TOP3A: variants seen among roughly 807,000 people sequenced by gnomAD.
TOP3A encodes DNA topoisomerase III alpha.
In TOP3A, 64 loss-of-function variants were observed where a neutral mutation model predicts 111.3. The observed-to-expected ratio is 0.57, with a 90% confidence interval of 0.47 to 0.71. The LOEUF (loss-of-function observed/expected upper bound fraction) is 0.71. Ranked by LOEUF, TOP3A falls within the 30% of genes least tolerant of loss-of-function variation. TOP3A has a pLI of 0.00. For synonymous variants in TOP3A, 484 were observed against 485.1 expected (o/e 1.00, Z 0.03); for missense variants, 1,104 against 1,285.0 (o/e 0.86, Z 2.15).
At chr17:18,302,859 T>G in intron 5 of TOP3A, 136 bp from the exon 6 acceptor site, 1 of 987,620 alleles carries the variant, frequency 1.0e-6, no homozygotes, top group Non-Finnish European at 1.5e-6. Flanking sequence ...ATTTACCTAT[T>G]AGGTTAAATC....
chr17:18,302,922 G>A (rs1981329979), intron 5 of TOP3A, 199 bp from the exon 6 acceptor site: 3 of 557,980 alleles, frequency 5.4e-6, no homozygotes, highest in Admixed American at 3.5e-5. Flanking sequence ...TAAACTGAGT[G>A]TACTGTCAGA....
At chr17:18,311,524 CCTCAGGTGGT>C (rs1325525830) in intron 1 of TOP3A, among the ~76,000 whole-genome samples, 1 of 152,138 alleles carries the variant, frequency 6.6e-6, no homozygotes, top group Non-Finnish European at 1.5e-5. Flanking sequence ...GAACTCACGA[CCTCAGGTGGT>C]CTGCCCGCTT....
At chr17:18,307,789 A>G (rs943372399) in intron 3 of TOP3A, among the ~76,000 whole-genome samples, 1 of 151,354 alleles carries the variant, frequency 6.6e-6, no homozygotes, top group Non-Finnish European at 1.5e-5. Context: ...ACATGGCTGT[A>G]AGGCCAGTTA....
intron 15 of TOP3A, among the ~76,000 whole-genome samples, chr17:18,284,789 AAAGAT>A (rs1979985630): frequency 2.0e-5 from 3 of 152,322 alleles, no homozygotes; most frequent in African/African-American, 4.8e-5. Flanking sequence ...CAGAAAAAAA[AAAGAT>A]AATTAAAATC....
At chr17:18,308,457 T>A (rs745461909) in intron 2 of TOP3A, 33 bp from the exon 3 acceptor site, 3 of 1,476,044 alleles carry the variant, frequency 2.0e-6, no homozygotes, top group Non-Finnish European at 2.8e-6. Flanking sequence ...ATTCAGTTAG[T>A]CTTTTTGCAG....
intron 4 of TOP3A, among the ~76,000 whole-genome samples, chr17:18,305,605 G>A (rs1014678196): frequency 6.6e-6 from 1 of 152,132 alleles, no homozygotes; most frequent in Non-Finnish European, 1.5e-5. Flanking sequence ...TTGGGAGGCC[G>A]AGGTGGGTGG....
At chr17:18,312,186 G>A (rs950056619) in intron 1 of TOP3A, 8 of 152,410 alleles carry the variant, frequency 5.2e-5, no homozygotes, top group Non-Finnish European at 1.2e-4. Context: ...AATTGCTTAA[G>A]CTGGCCCACA....
At chr17:18,310,823 G>A (rs1981864983) in intron 1 of TOP3A, among the ~76,000 whole-genome samples, 1 of 152,062 alleles carries the variant, frequency 6.6e-6, no homozygotes, top group African/African-American at 2.4e-5. Context: ...CTTATGATCT[G>A]CACTCAACTG....
intron 1 of TOP3A, among the ~76,000 whole-genome samples, chr17:18,310,818 G>C (rs75788833): frequency 0.018 from 2,797 of 152,092 alleles, 90 homozygotes; most frequent in African/African-American, 0.064. Context: ...AGATTCTTAT[G>C]ATCTGCACTC....
chr17:18,304,536 C>A (rs1981437404), intron 5 of TOP3A, among the ~76,000 whole-genome samples: 2 of 151,914 alleles, frequency 1.3e-5, no homozygotes, highest in Admixed American at 1.3e-4. Context: ...ACCATTAACA[C>A]TGTTAGAGCC....
At position 18,273,927 on chromosome 17, in the gene TOP3A, T is replaced by C. The variant is rs1979159236; in HGVS notation, c.*875A>G. The C allele has an allele frequency of 6.6e-6, 1 of 150,730 alleles. No individual in the cohort carries two copies. Among genetic ancestry groups the C allele is most frequent in the Non-Finnish European group, 1.5e-5 (1 of 67,800 alleles). The allele number at this position is 150,730 out of a possible 1,614,324, so 9.3% of individuals were successfully genotyped here. On this transcript the variant is annotated 3_prime_UTR_variant, in exon 19 of 19. Coordinates refer to ENST00000321105, the MANE Select transcript of TOP3A (RefSeq NM_004618.5). ...TGTGAGCCTCCACGCCCTGCCGGGG[T>C]TGGATTCTTTTTATTTTTTTAAATT...
chr17:18,282,160 C>T (rs1979800888), intron 16 of TOP3A, among the ~76,000 whole-genome samples: 1 of 152,090 alleles, frequency 6.6e-6, no homozygotes, highest in Admixed American at 6.6e-5. Context: ...ATTTTCAGGC[C>T]CCATTCAGAA....
At chr17:18,296,842 T>C (rs1301082389) in intron 9 of TOP3A, among the ~76,000 whole-genome samples, 2 of 152,196 alleles carry the variant, frequency 1.3e-5, no homozygotes, top group Non-Finnish European at 2.9e-5. Context: ...CTCAGACTTA[T>C]GTTCTGTCAG....
chr17:18,276,847 TG>T (rs1979403475), intron 18 of TOP3A, among the ~76,000 whole-genome samples: 5 of 152,174 alleles, frequency 3.3e-5, no homozygotes, highest in Admixed American at 3.3e-4. Context: ...TGTGTCACCC[TG>T]GGCAGGTTCC....
intron 6 of TOP3A, 46 bp from the exon 7 acceptor site, chr17:18,302,480 G>C (rs750372373): frequency 1.9e-6 from 3 of 1,595,630 alleles, no homozygotes; most frequent in Non-Finnish European, 2.6e-6. Flanking sequence ...GATGGATAAT[G>C]AGAGTCCAGG....
At chr17:18,298,224 C>CA (rs1245769611) in intron 9 of TOP3A, among the ~76,000 whole-genome samples, 1 of 149,642 alleles carries the variant, frequency 6.7e-6, no homozygotes, top group East Asian at 2.0e-4. Context: ...CCCCTCCGCC[C>CA]AGCAGCCGCG....
Position 18,273,643 on chromosome 17 carries a change from A to T in TOP3A, c.*1159T>A, listed in dbSNP as rs1979137989. 6.6e-6 allele frequency among the ~76,000 whole-genome samples: 1 copy of T among 152,168 alleles called. No individual in the cohort carries two copies. Among genetic ancestry groups the T allele is most frequent in the African/African-American group, 2.4e-5 (1 of 41,446 alleles). ...GGTTGGATTCTTTCATTTTAAAAAA[A>T]GTTTGAGACAGGGTCTTACTCTGTC... is the stretch of plus-strand genomic sequence containing the variant. On this transcript the variant is annotated 3_prime_UTR_variant, in exon 19 of 19. Transcript: ENST00000321105.
intron 10 of TOP3A, 49 bp from the exon 11 acceptor site, chr17:18,292,901 T>C (rs182909543): frequency 1.4e-5 from 21 of 1,554,782 alleles, no homozygotes; most frequent in African/African-American, 4.1e-5. Context: ...GGCTCTCTGA[T>C]TGGTCTATAA....
At chr17:18,307,814 G>T (rs1188301587) in intron 3 of TOP3A, among the ~76,000 whole-genome samples, 1 of 150,700 alleles carries the variant, frequency 6.6e-6, no homozygotes, top group African/African-American at 2.4e-5. Context: ...GGAAACTGAG[G>T]CATGAGAATC....
Sources: gnomAD v4.1 joint callset for allele counts (sites outside exome capture counted in the v4.1 genomes callset) on GRCh38, gnomAD v4.1.1 for gene constraint, MANE v1.5 for transcripts, NCBI Gene and HGNC (gene_info 2026-07-23, HGNC 2026-07-21) for gene names.